GET1: variants seen among roughly 807,000 people sequenced by gnomAD.
GET1 encodes the protein guided entry of tail-anchored proteins factor 1.
GET1 carries 20 observed loss-of-function variants against 22.6 expected under a neutral mutation model. The observed-to-expected ratio is 0.89, with a 90% confidence interval of 0.62 to 1.29. The LOEUF is 1.29. GET1 is among the 50% of genes most tolerant of loss of function. GET1 has a pLI of 0.00. For missense variants in GET1, 209 were observed against 219.9 expected (o/e 0.95, Z 0.31); for synonymous variants, 92 against 83.8 (o/e 1.10, Z -0.53).
At chr21:39,381,992 G>T (rs7278508) in intron 1 of GET1, among the ~76,000 whole-genome samples, 2,541 of 151,920 alleles carry the variant, frequency 0.017, 74 homozygotes, top group African/African-American at 0.058. Flanking sequence ...ACCCATCCTG[G>T]CCTCCCAAAG....
chr21:39,422,921 C>G, intron 1 of GET1: 16 of 1,513,330 alleles, frequency 1.1e-5, no homozygotes, highest in African/African-American at 1.4e-5. Context: ...TTAATTCACA[C>G]CCTCTCTCTA....
At chr21:39,387,968 A>C in intron 1 of GET1, 4 of 586,586 alleles carry the variant, frequency 6.8e-6, no homozygotes, top group African/African-American at 2.0e-5. Flanking sequence ...CGAAACAAAC[A>C]CAAATGTGCA....
intron 2 of GET1, 26 bp downstream of exon 2, chr21:39,390,889 G>T (rs1251938530): frequency 6.2e-7 from 1 of 1,612,580 alleles, no homozygotes; most frequent in East Asian, 2.2e-5. Flanking sequence ...CAGCCTGGAG[G>T]CTTCATGAGA....
chr21:39,420,888 T>C (rs780616784), intron 1 of GET1: 10 of 1,473,902 alleles, frequency 6.8e-6, no homozygotes, highest in Non-Finnish European at 9.3e-6. Context: ...CAAGTTAGTA[T>C]GTTAAAAACT....
downstream of GET1, among the ~76,000 whole-genome samples, chr21:39,402,001 AG>A (rs1308219290): frequency 5.3e-5 from 8 of 152,280 alleles, no homozygotes; most frequent in Admixed American, 2.6e-4. Context: ...TGTTGAAATT[AG>A]GGCAACATTG....
Position 39,390,705 on chromosome 21 carries a change from G to C in GET1, c.110G>C (p.Arg37Thr), listed in dbSNP as rs2038245807. 10 of 1,614,052 alleles carry C rather than the reference G, an allele frequency of 6.2e-6. No homozygotes were observed. Among genetic ancestry groups the C allele is most frequent in the African/African-American group, 1.3e-5 (1 of 74,932 alleles). Residue 37 changes from arginine to threonine, a missense_variant, in exon 2 of 5, where the codon AGG becomes ACG. Physicochemically the swap from Arg to Thr is moderately conservative, Grantham distance 71. Transcript: ENST00000649170. ...LLPSFSSFMS[R>T]VLQKDAEQES... The stretch of plus-strand genomic sequence containing the variant: ...CGTTGTCCGCCCTGCCAGATGTCCA[G>C]GGTGCTGCAGAAGGACGCGGAGCAG...
Position 39,412,379 on chromosome 21 carries a change from C to A in GET1, c.*23+1442C>A, listed in dbSNP as rs1251861629. Among the ~76,000 whole-genome samples, 3 of 152,080 alleles carry A rather than the reference C, an allele frequency of 2.0e-5. No homozygotes were observed. In the East Asian group the frequency reaches 5.8e-4, roughly 29 times the overall value. ...AAATTTCATATTGATTTTTTTGAGT[C>A]TTGGCAAAACAGACATTTTGAAACC... On this transcript the variant is annotated intron_variant, in intron 1 of 1. Transcript: ENST00000478273.
intron 1 of GET1, among the ~76,000 whole-genome samples, chr21:39,414,732 C>CTGTGTGTGTG (rs1464601997): frequency 9.1e-5 from 10 of 110,496 alleles, no homozygotes; most frequent in African/African-American, 3.9e-4. Context: ...CTCTCTCTCT[C>CTGTGTGTGTG]TCTCTCTCTC....
chr21:39,393,520 C>T (rs769853005), intron 4 of GET1, among the ~76,000 whole-genome samples: 14 of 152,176 alleles, frequency 9.2e-5, no homozygotes, highest in Admixed American at 6.5e-5. Flanking sequence ...GGTCTGTTTC[C>T]GGGATCCATG....
chr21:39,414,736 C>CTGTGTGTGTGTGTGTG (rs1445537335), intron 1 of GET1, among the ~76,000 whole-genome samples: 1 of 92,210 alleles, frequency 1.1e-5, no homozygotes, highest in Non-Finnish European at 2.2e-5. Flanking sequence ...CTCTCTCTCT[C>CTGTGTGTGTGTGTGTG]TCTCTCTGTG....
downstream of GET1, among the ~76,000 whole-genome samples, chr21:39,411,409 C>T (rs1210803292): frequency 1.3e-5 from 2 of 152,160 alleles, no homozygotes; most frequent in African/African-American, 2.4e-5. Flanking sequence ...AAGCCATACA[C>T]TGGCTAACAG....
intron 1 of GET1, among the ~76,000 whole-genome samples, chr21:39,382,591 T>A (rs2037622452): frequency 6.6e-6 from 1 of 152,220 alleles, no homozygotes; most frequent in African/African-American, 2.4e-5. Context: ...GAGTCAGGAT[T>A]TCCTCCCCTT....
chr21:39,408,396 G>A (rs1422586589), downstream of GET1, among the ~76,000 whole-genome samples: 1 of 152,196 alleles, frequency 6.6e-6, no homozygotes, highest in Non-Finnish European at 1.5e-5. Context: ...GCTTAGGAAA[G>A]AGAAGATCCA....
downstream of GET1, among the ~76,000 whole-genome samples, chr21:39,398,692 C>T (rs2038762401): frequency 1.3e-5 from 2 of 150,024 alleles, no homozygotes; most frequent in Admixed American, 1.3e-4. Flanking sequence ...CGGCTCACTG[C>T]ACCCTTTGCC....
At chr21:39,393,103 C>T in intron 3 of GET1, 63 bp from the exon 4 acceptor site, 2 of 1,392,864 alleles carry the variant, frequency 1.4e-6, no homozygotes, top group Non-Finnish European at 2.0e-6. Context: ...TCCCTGTCCT[C>T]CCTTCTGTGT....
At chr21:39,391,743 ATTAT>A (rs1346630367) in intron 2 of GET1, 22 bp from the exon 3 acceptor site, 14 of 1,611,026 alleles carry the variant, frequency 8.7e-6, no homozygotes, top group Non-Finnish European at 1.1e-5. Flanking sequence ...GACTGACATA[ATTAT>A]TTATCCTGTT....
chr21:39,390,576 G>C (rs771810673), intron 1 of GET1, 122 bp from the exon 2 acceptor site: 145 of 1,307,758 alleles, frequency 1.1e-4, no homozygotes, highest in Non-Finnish European at 1.4e-4. Context: ...AGTCCTGCAG[G>C]GACGCACACA....
chr21:39,418,769 G>C (rs764820792), intron 1 of GET1, among the ~76,000 whole-genome samples: 7 of 152,116 alleles, frequency 4.6e-5, no homozygotes, highest in Non-Finnish European at 1.0e-4. Flanking sequence ...CAAAGTGCTG[G>C]GATTACAGGT....
chr21:39,418,109 T>C (rs1474355681), intron 1 of GET1, among the ~76,000 whole-genome samples: 2 of 152,162 alleles, frequency 1.3e-5, no homozygotes, highest in East Asian at 1.9e-4. Context: ...ATGAGACTTA[T>C]TCACTATCAC....
Sources: gnomAD v4.1 joint callset for allele counts (sites outside exome capture counted in the v4.1 genomes callset) on GRCh38, gnomAD v4.1.1 for gene constraint, MANE v1.5 for transcripts, NCBI Gene and HGNC (gene_info 2026-07-23, HGNC 2026-07-21) for gene names.